Variants in KIF21B observed in about 807,000 individuals in gnomAD.
KIF21B encodes kinesin family member 21B, also known as kinesin-like protein KIF21B.
In KIF21B, 85 loss-of-function variants were observed where a neutral mutation model predicts 192.9. The ratio of observed to expected loss-of-function variants is 0.44; its 90% CI spans 0.37 to 0.53. The LOEUF (loss-of-function observed/expected upper bound fraction) is 0.53, where lower values mean the gene tolerates loss of function less well. Ranked by LOEUF, KIF21B falls within the 20% of genes least tolerant of loss-of-function variation. The probability of loss-of-function intolerance (pLI) is 0.00; values close to 1 mark genes in which losing one functional copy is unlikely to be tolerated. For synonymous variants in KIF21B, 832 were observed against 884.6 expected (o/e 0.94, Z 1.05); for missense variants, 1,716 against 2,194.8 (o/e 0.78, Z 4.36).
At position 200,999,836 on chromosome 1, in the gene KIF21B, G is replaced by T; in HGVS notation, c.1767+47C>A. 6.3e-7 allele frequency: 1 copy of T among 1,597,424 alleles called. No individual in the cohort carries two copies. Among genetic ancestry groups the T allele is most frequent in the Non-Finnish European group, 8.6e-7 (1 of 1,167,496 alleles). On this transcript the variant is annotated intron_variant, in intron 12 of 34. Transcript: ENST00000461742. This position sits in a 1 kb window ranked among gnomAD's most constrained non-coding sequence, Gnocchi z 4.7. Reference sequence around the variant, plus strand: ...TGGGGCCCCCGCCAACCCCAGCAGGGACACAAGGCATGCATGTGGTGAGGT... The same window carrying T: ...TGGGGCCCCCGCCAACCCCAGCAGGTACACAAGGCATGCATGTGGTGAGGT...
At chr1:200,996,525 C>T in intron 14 of KIF21B, 130 bp from the exon 15 acceptor site, 3 of 741,416 alleles carry the variant, frequency 4.0e-6, no homozygotes, top group Non-Finnish European at 6.8e-6. Flanking sequence ...AGTCACACCC[C>T]TCTCTGAGCC....
intron 4 of KIF21B, 36 bp downstream of exon 4, chr1:201,005,509 C>T (rs764050562): frequency 4.4e-6 from 7 of 1,603,156 alleles, no homozygotes; most frequent in Admixed American, 1.7e-5. Flanking sequence ...TTTCAGGATG[C>T]CCTGGACCTG....
At chr1:200,989,811 G>A in intron 21 of KIF21B, 131 bp downstream of exon 21, 1 of 669,558 alleles carries the variant, frequency 1.5e-6, no homozygotes, top group Non-Finnish European at 2.6e-6. Flanking sequence ...AGGTGCAGAG[G>A]TTAGGCGGCT....
At chr1:201,004,644 A>G in intron 6 of KIF21B, 122 bp downstream of exon 6, 1 of 1,306,046 alleles carries the variant, frequency 7.7e-7, no homozygotes. Flanking sequence ...GACGCCTGAG[A>G]GTGAAGGGCT....
In KIF21B at chr1:200,991,039, GGTA is replaced by G; in HGVS notation, c.2562_2564del (p.Thr855del). The G allele has an allele frequency of 6.2e-7, 1 of 1,614,174 alleles. No individual in the cohort carries two copies. Among genetic ancestry groups the G allele is most frequent in the South Asian group, 1.1e-5 (1 of 91,086 alleles). ...GGGCCCCTGATTCAGCCTCAGATGA[GGTA>G]GTGCTGGCCGACACCTCAGCCCCAG... On this transcript the variant is annotated inframe_deletion, in exon 18 of 35. Transcript: ENST00000461742.
rs867897058 is a variant in KIF21B at position 201,013,964 on chromosome 1, G to A, written c.42-4476C>T. Among the ~76,000 whole-genome samples the A allele has an allele frequency of 5.3e-5, 8 of 152,186 alleles. No individual in the cohort carries two copies. The East Asian group carries it at 1.3e-3, about 26-fold the overall frequency. On this transcript the variant is annotated intron_variant, in intron 1 of 34. Transcript: ENST00000461742. Reference sequence around the variant, plus strand: ...AATCTTCCGTCCATCCCTTCTCAAGGTTCTGCCAGGAGGGAGGGCCGGCTG... The same window carrying A: ...AATCTTCCGTCCATCCCTTCTCAAGATTCTGCCAGGAGGGAGGGCCGGCTG...
In KIF21B at chr1:200,977,382, C is replaced by T; in HGVS notation, c.4161-6G>A. On this transcript the variant is annotated splice_polypyrimidine_tract_variant and splice_region_variant and intron_variant, in intron 30 of 34. Transcript: ENST00000461742. ...AGATCACCTGGCCCGAGGACCTGCCCATCGGAGAAAGGCAAGGCCAGAGGT... is the reference window on the plus strand; with the variant it reads ...AGATCACCTGGCCCGAGGACCTGCCTATCGGAGAAAGGCAAGGCCAGAGGT... 2 of 1,613,082 alleles carry T rather than the reference C, an allele frequency of 1.2e-6. No homozygotes were observed. The highest frequency in any genetic ancestry group is 1.7e-6 in the Non-Finnish European group (2 of 1,179,154).
rs147759878 is a variant in KIF21B, at chr1:200,970,672, A to G, written c.*2849T>C. On this transcript the variant is annotated 3_prime_UTR_variant, in exon 35 of 35. Coordinates refer to ENST00000461742, the MANE Select transcript of KIF21B (RefSeq NM_001252102.2). ...CTCCTTCTATCCAGGGAACCCGCTC[A>G]TAAGCTTCGAAAGCACAAAGTGGGG... The G allele has an allele frequency of 8.3e-3, 1,273 of 152,658 alleles. 10 individuals carry two copies. Among genetic ancestry groups the G allele is most frequent in the Non-Finnish European group, 0.013 (887 of 68,148 alleles). The allele number at this position is 152,658 out of a possible 1,614,324, so 9.5% of individuals were successfully genotyped here.
intron 15 of KIF21B, among the ~76,000 whole-genome samples, chr1:200,994,668 C>T (rs755451992): frequency 2.0e-5 from 3 of 152,208 alleles, no homozygotes; most frequent in Admixed American, 6.5e-5. Flanking sequence ...CCAGGGCCTC[C>T]GCAGCTGAGA....
chr1:201,005,078 GTATTTGCACAAGCCTGATT>G, intron 5 of KIF21B, 145 bp from the exon 6 acceptor site: 3 of 1,042,006 alleles, frequency 2.9e-6, no homozygotes, highest in Non-Finnish European at 4.2e-6. Flanking sequence ...AATGTGCACA[GTATTTGCACAAGCCTGATT>G]TCCATTTAAT....
intron 29 of KIF21B, 59 bp downstream of exon 29, chr1:200,980,901 A>C (rs2102385710): frequency 6.4e-7 from 1 of 1,572,742 alleles, no homozygotes; most frequent in Non-Finnish European, 8.6e-7. Flanking sequence ...ACTCTGACAA[A>C]GGAAGCAGGG....
chr1:200,986,241 T>C (rs895274991), intron 26 of KIF21B, among the ~76,000 whole-genome samples: 4 of 152,126 alleles, frequency 2.6e-5, no homozygotes, highest in Non-Finnish European at 4.4e-5. Flanking sequence ...ATCAGTGCAA[T>C]GACTAATCCA....
chr1:201,001,432 C>T (rs776264081), intron 9 of KIF21B: 3 of 152,656 alleles, frequency 2.0e-5, no homozygotes, highest in Non-Finnish European at 4.4e-5. Flanking sequence ...CTTGCTCTGT[C>T]GCCCAGGCTA....
At chr1:201,019,829 C>T (rs2102485296) in intron 1 of KIF21B, among the ~76,000 whole-genome samples, 1 of 152,276 alleles carries the variant, frequency 6.6e-6, no homozygotes, top group African/African-American at 2.4e-5. Flanking sequence ...ACTCGGAAGG[C>T]ACCCCAAATA....
In KIF21B at chr1:201,004,773, C is replaced by T. The variant is rs1657705021; in HGVS notation, c.893G>A (p.Cys298Tyr). 6.2e-7 allele frequency: 1 copy of T among 1,614,106 alleles called. No homozygotes were observed. The highest frequency in any genetic ancestry group is 8.5e-7 in the Non-Finnish European group (1 of 1,180,028). ...GACCCACCATGTGCCTACCAGGCCACAGTTGATGGAGATGCCCTCCTTGGC... is the reference window on the plus strand; with the variant it reads ...GACCCACCATGTGCCTACCAGGCCATAGTTGATGGAGATGCCCTCCTTGGC... ...ERAKEGISIN[C>Y]GLLALGNVIS... Residue 298 changes from cysteine (C) to tyrosine (Y), a missense_variant, in exon 6 of 35, where the codon TGT becomes TAT. Physicochemically the swap from Cys to Tyr is radical, Grantham distance 194. Coordinates refer to ENST00000461742, the MANE Select transcript of KIF21B (RefSeq NM_001252102.2).
intron 1 of KIF21B, among the ~76,000 whole-genome samples, chr1:201,010,299 G>A (rs1190012403): frequency 6.6e-6 from 1 of 152,174 alleles, no homozygotes. Flanking sequence ...GAAGGGCAGG[G>A]ACCTCTAGAA....
chr1:201,008,067 T>C (rs1658017294), intron 3 of KIF21B, among the ~76,000 whole-genome samples: 1 of 152,216 alleles, frequency 6.6e-6, no homozygotes, highest in Non-Finnish European at 1.5e-5. Flanking sequence ...CAAAGCCACA[T>C]GCTTCCCTCA....
chr1:201,011,580 TAGA>T (rs1658239909), intron 1 of KIF21B, among the ~76,000 whole-genome samples: 2 of 152,314 alleles, frequency 1.3e-5, no homozygotes, highest in East Asian at 3.9e-4. Context: ...AGAGCAACCT[TAGA>T]AGGAGGAGCG....
In KIF21B at chr1:200,971,945, CAA is replaced by C. The variant is rs902890155; in HGVS notation, c.*1574_*1575del. On this transcript the variant is annotated 3_prime_UTR_variant, in exon 35 of 35. Coordinates refer to ENST00000461742, the MANE Select transcript of KIF21B (RefSeq NM_001252102.2). ...AACACAGAACCACCTCTGGAAAGTC[CAA>C]AAGTCACTGCGTCCTCTGAAGGGAG... 5 of 150,566 alleles carry C rather than the reference CAA, an allele frequency of 3.3e-5. No homozygotes were observed. The highest frequency in any genetic ancestry group is 1.2e-4 in the African/African-American group (5 of 41,004). The allele number at this position is 150,566 out of a possible 1,614,324, so 9.3% of individuals were successfully genotyped here.
Sources: allele counts gnomAD v4.1 joint callset (sites outside exome capture counted in the v4.1 genomes callset), GRCh38; gene constraint gnomAD v4.1.1; non-coding constraint Gnocchi (gnomAD v3.1); transcripts MANE v1.5; gene names NCBI Gene and HGNC (gene_info 2026-07-23, HGNC 2026-07-21).